Variants in SLC25A30 observed in about 807,000 individuals in gnomAD.
SLC25A30 encodes solute carrier family 25 member 30.
Under a neutral mutation model 42.7 loss-of-function variants are expected in SLC25A30, and 29 were observed. The ratio of observed to expected loss-of-function variants is 0.68; its 90% CI spans 0.51 to 0.93. The LOEUF (loss-of-function observed/expected upper bound fraction) is 0.93. Ranked by LOEUF, SLC25A30 falls within the 40% of genes least tolerant of loss-of-function variation. The pLI is 0.00. For missense variants in SLC25A30, 300 were observed against 359.7 expected (o/e 0.83, Z 1.34); for synonymous variants, 124 against 131.0 (o/e 0.95, Z 0.37).
In SLC25A30 at chr13:45,398,839, C is replaced by T. The variant is rs527562608; in HGVS notation, c.753+101G>A. On this transcript the variant is annotated intron_variant, in intron 8 of 9. Coordinates refer to ENST00000519676, the MANE Select transcript of SLC25A30 (RefSeq NM_001010875.4). ...ACATGTACATCTCTGGGCTTTAAAG[C>T]ATCATTCATCTTAGTTTTAGTAGCT... 4 of 1,309,840 alleles carry T rather than the reference C, an allele frequency of 3.1e-6. No individual in the cohort carries two copies. In the African/African-American group the frequency reaches 6.0e-5, roughly 20 times the overall value. 81.1% of individuals were successfully genotyped at this position (1,309,840 alleles called of 1,614,324 possible).
intron 2 of SLC25A30, among the ~76,000 whole-genome samples, chr13:45,409,971 G>A (rs1304763157): frequency 6.6e-6 from 1 of 152,168 alleles, no homozygotes; most frequent in African/African-American, 2.4e-5. Flanking sequence ...CTGGTGAGTG[G>A]GTGGTTACCA....
the SLC25A30 span, among the ~76,000 whole-genome samples, chr13:45,429,122 G>A: frequency 7.7e-6 from 1 of 130,718 alleles, no homozygotes; most frequent in African/African-American, 3.0e-5. Context: ...TGTCTGGAGT[G>A]CAATGGCGCA....
intron 9 of SLC25A30, chr13:45,396,341 A>T: frequency 1.7e-6 from 2 of 1,189,368 alleles, no homozygotes; most frequent in Non-Finnish European, 2.1e-6. Context: ...AGAGAGAGAG[A>T]GAGAGTTAGC....
chr13:45,426,421 CG>C, the SLC25A30 span, among the ~76,000 whole-genome samples: 1 of 152,126 alleles, frequency 6.6e-6, no homozygotes, highest in African/African-American at 2.4e-5. Flanking sequence ...CATTTTAAAT[CG>C]TTATGTAAGT....
the SLC25A30 span, among the ~76,000 whole-genome samples, chr13:45,424,712 T>C: frequency 1.7e-5 from 1 of 59,596 alleles, no homozygotes. Flanking sequence ...TATAAATACA[T>C]ATATAAATAT....
At chr13:45,432,283 A>G in the SLC25A30 span, among the ~76,000 whole-genome samples, 3 of 152,058 alleles carry the variant, frequency 2.0e-5, no homozygotes, top group Non-Finnish European at 2.9e-5. Context: ...AAAAAAAAAA[A>G]AACAGTGTTA....
intron 7 of SLC25A30, among the ~76,000 whole-genome samples, chr13:45,400,380 C>T (rs889891044): frequency 1.3e-5 from 2 of 152,090 alleles, no homozygotes; most frequent in Non-Finnish European, 2.9e-5. Context: ...CGAGATCACA[C>T]CACTGCACTC....
chr13:45,422,373 ACCT>A (rs1460187390), upstream of SLC25A30, among the ~76,000 whole-genome samples: 2 of 151,910 alleles, frequency 1.3e-5, no homozygotes, highest in Non-Finnish European at 2.9e-5. Flanking sequence ...ACATCTGGTC[ACCT>A]CCTCTCCTTG....
At position 45,399,091 on chromosome 13, in the gene SLC25A30, C is replaced by A; in HGVS notation, c.615-13G>T. ...GGTGAAGCTTGAGCTATAAAGACAC[C>A]ATTGGAAAAAAAAAAAAAAGTTAAC... On this transcript the variant is annotated splice_polypyrimidine_tract_variant and intron_variant, in intron 7 of 9. Transcript: ENST00000519676. The A allele has an allele frequency of 1.3e-6, 2 of 1,552,568 alleles. No individual in the cohort carries two copies. Among genetic ancestry groups the A allele is most frequent in the Admixed American group, 2.2e-5 (1 of 46,256 alleles).
chr13:45,413,376 A>C (rs913091158), intron 1 of SLC25A30, among the ~76,000 whole-genome samples: 2 of 152,158 alleles, frequency 1.3e-5, no homozygotes, highest in Non-Finnish European at 2.9e-5. Context: ...TTAATAATAA[A>C]TCCAATAATT....
intron 1 of SLC25A30, among the ~76,000 whole-genome samples, chr13:45,416,677 G>A (rs966604367): frequency 6.6e-6 from 1 of 152,096 alleles, no homozygotes; most frequent in Non-Finnish European, 1.5e-5. Flanking sequence ...AGGCTGAGGT[G>A]GAAGGGGCAC....
At chr13:45,409,399 C>T (rs559550631) in intron 2 of SLC25A30, among the ~76,000 whole-genome samples, 2 of 152,254 alleles carry the variant, frequency 1.3e-5, no homozygotes, top group South Asian at 4.1e-4. Flanking sequence ...CATTGAAAAA[C>T]ATAAGTTACT....
intron 7 of SLC25A30, among the ~76,000 whole-genome samples, chr13:45,399,910 A>G (rs1327925446): frequency 6.6e-6 from 1 of 151,656 alleles, no homozygotes; most frequent in Non-Finnish European, 1.5e-5. Context: ...CCTCAGCACT[A>G]GCTATATCCC....
At chr13:45,424,481 G>GTATATAAATATATAAA in the SLC25A30 span, among the ~76,000 whole-genome samples, 1 of 16,636 alleles carries the variant, frequency 6.0e-5, no homozygotes, top group Non-Finnish European at 1.1e-4. Context: ...ATAAATATAT[G>GTATATAAATATATAAA]TATATAAATA....
intron 1 of SLC25A30, among the ~76,000 whole-genome samples, chr13:45,417,408 T>C (rs1462316159): frequency 6.6e-6 from 1 of 152,260 alleles, no homozygotes; most frequent in East Asian, 1.9e-4. Flanking sequence ...GCCTTTAATG[T>C]GCTCTCATAC....
At chr13:45,403,669 G>A (rs1882213759) in intron 5 of SLC25A30, among the ~76,000 whole-genome samples, 1 of 152,118 alleles carries the variant, frequency 6.6e-6, no homozygotes, top group Non-Finnish European at 1.5e-5. Context: ...CAGGCACGGT[G>A]GCTCACACCT....
chr13:45,393,970 G>A lies in SLC25A30; in HGVS notation c.*2004C>T. The A allele has an allele frequency of 1.0e-6, 1 of 984,604 alleles. No individual in the cohort carries two copies. Among genetic ancestry groups the A allele is most frequent in the Non-Finnish European group, 1.2e-6 (1 of 829,312 alleles). 61.0% of individuals were successfully genotyped at this position (984,604 alleles called of 1,614,324 possible). A position where few individuals can be genotyped will look rare whatever the true frequency, so the allele number is the denominator to read the frequency against. On this transcript the variant is annotated 3_prime_UTR_variant, in exon 10 of 10. Transcript: ENST00000519676. ...TGTTTTAAAAATTGTATGCATATTT[G>A]AAAAAGTAAAATTTTTCTACATTAA...
chr13:45,402,749 C>T (rs1882121528), intron 5 of SLC25A30: 14 of 983,822 alleles, frequency 1.4e-5, no homozygotes, highest in Non-Finnish European at 1.6e-5. Context: ...AATGAGTTAT[C>T]CAGTGTACCT....
chr13:45,423,533 T>A, the SLC25A30 span, among the ~76,000 whole-genome samples: 1 of 99,260 alleles, frequency 1.0e-5, no homozygotes, highest in African/African-American at 3.9e-5. Flanking sequence ...CAAATATATA[T>A]ACAAATATAT....
Sources: gnomAD v4.1 joint callset for allele counts (sites outside exome capture counted in the v4.1 genomes callset) on GRCh38, gnomAD v4.1.1 for gene constraint, MANE v1.5 for transcripts, NCBI Gene and HGNC (gene_info 2026-07-23, HGNC 2026-07-21) for gene names.